Variants in SMARCA5 observed in about 807,000 individuals in gnomAD.
SMARCA5 encodes SNF2 related chromatin remodeling ATPase 5.
Under a neutral mutation model 140.4 loss-of-function variants are expected in SMARCA5, and 18 were observed. That is an observed-to-expected ratio of 0.13 (90% CI 0.09 to 0.19). SMARCA5 has a LOEUF of 0.19. Ranked by LOEUF, SMARCA5 falls within the 10% of genes least tolerant of loss-of-function variation. The pLI is 1.00. For missense variants in SMARCA5, 606 were observed against 1,276.8 expected, an observed-to-expected ratio of 0.47 and a Z score of 8.01; for synonymous variants, 449 against 419.6, an observed-to-expected ratio of 1.07 and a Z score of -0.86.
chr4:143,520,790 C>T (rs967269465), intron 2 of SMARCA5, among the ~76,000 whole-genome samples: 4 of 151,784 alleles, frequency 2.6e-5, no homozygotes, highest in East Asian at 1.9e-4. Flanking sequence ...CTTCGAGGCT[C>T]TTAAGGTTTT....
intron 14 of SMARCA5, among the ~76,000 whole-genome samples, chr4:143,542,807 T>G (rs1737457355): frequency 6.6e-6 from 1 of 152,152 alleles, no homozygotes; most frequent in Non-Finnish European, 1.5e-5. Flanking sequence ...ATGGTGAGTT[T>G]CTTCGATGAT....
chr4:143,549,595 A>G (rs1284643807), intron 22 of SMARCA5, among the ~76,000 whole-genome samples: 1 of 152,160 alleles, frequency 6.6e-6, no homozygotes, highest in African/African-American at 2.4e-5. Context: ...GAAAGATTAT[A>G]CACACCTGTT....
In SMARCA5 at chr4:143,546,741, C is replaced by T. The variant is rs537697546; in HGVS notation, c.2521-35C>T. ...TAGCATGTTTTCCAAGTTTAATGTGCTGTGATTAAATATTTTGTTTCTGTT... is the reference window on the plus strand; with the variant it reads ...TAGCATGTTTTCCAAGTTTAATGTGTTGTGATTAAATATTTTGTTTCTGTT... On this transcript the variant is annotated intron_variant, in intron 19 of 23. Transcript: ENST00000283131. 5.6e-5 allele frequency: 89 copies of T among 1,583,384 alleles called. 2 individuals are homozygous for T. In the South Asian group the frequency reaches 9.6e-4, roughly 17 times the overall value.
In SMARCA5 at chr4:143,555,071, C is replaced by A; in HGVS notation, c.*1887C>A. On this transcript the variant is annotated 3_prime_UTR_variant, in exon 24 of 24. Transcript: ENST00000283131. ...TTCCTCTCCCGCTAAGCTTTTGTTT[C>A]CTGGCAGTAATTAAAATCTTCTGTC... 3.4e-6 allele frequency: 2 copies of A among 594,326 alleles called. No homozygotes were observed. The highest frequency in any genetic ancestry group is 2.2e-5 in the Admixed American group (1 of 46,030). The allele number at this position is 594,326 out of a possible 1,614,324, so 36.8% of individuals were successfully genotyped here.
At chr4:143,533,498 C>CTTTT (rs10580434) in intron 9 of SMARCA5, among the ~76,000 whole-genome samples, 8 of 127,544 alleles carry the variant, frequency 6.3e-5, no homozygotes, top group African/African-American at 1.8e-4. Flanking sequence ...CTTGTCCATT[C>CTTTT]TTTTTTTTTT....
At chr4:143,523,507 A>C (rs1737006703) in intron 3 of SMARCA5, among the ~76,000 whole-genome samples, 2 of 152,324 alleles carry the variant, frequency 1.3e-5, no homozygotes, top group South Asian at 4.1e-4. Context: ...TAGGGGATGG[A>C]AGTAGATCTT....
At chr4:143,518,403 AAATAAC>A (rs1736886714) in intron 2 of SMARCA5, among the ~76,000 whole-genome samples, 1 of 152,196 alleles carries the variant, frequency 6.6e-6, no homozygotes, top group Non-Finnish European at 1.5e-5. Context: ...CAAAAAGTTA[AAATAAC>A]AATGTATTAA....
At chr4:143,531,614 A>G (rs1006019802) in intron 9 of SMARCA5, among the ~76,000 whole-genome samples, 2 of 152,184 alleles carry the variant, frequency 1.3e-5, no homozygotes, top group Admixed American at 1.3e-4. Flanking sequence ...AGTTGTGACA[A>G]CCAAAAATTT....
At position 143,521,476 on chromosome 4, in the gene SMARCA5, A is replaced by G. The variant is rs887762425; in HGVS notation, c.300A>G (p.Glu100=). The change falls in exon 3 of 24, where the codon GAA becomes GAG. Residue 100 remains glutamate (E), a synonymous_variant. Coordinates refer to ENST00000283131, the MANE Select transcript of SMARCA5 (RefSeq NM_003601.4). ...NRFEYLLKQT[E]LFAHFIQPAA... is the part of the protein sequence containing the mutation. ...TCGAGTATTTATTAAAGCAGACAGA[A>G]CTTTTTGCACATTTCATTCAACCTG... is the stretch of plus-strand genomic sequence containing the variant. The G allele has an allele frequency of 6.2e-6, 10 of 1,613,658 alleles. No individual in the cohort carries two copies. The highest frequency in any genetic ancestry group is 2.2e-5 in the East Asian group (1 of 44,868).
chr4:143,521,049 A>G (rs1008039079), intron 2 of SMARCA5, among the ~76,000 whole-genome samples: 3 of 152,208 alleles, frequency 2.0e-5, no homozygotes, highest in Non-Finnish European at 4.4e-5. Context: ...ACATAAAATA[A>G]TTTTAAGTTT....
At position 143,557,271 on chromosome 4, in the gene SMARCA5, T is replaced by A. The variant is rs557627244; in HGVS notation, c.*4087T>A. On this transcript the variant is annotated 3_prime_UTR_variant, in exon 24 of 24. Coordinates refer to ENST00000283131, the MANE Select transcript of SMARCA5 (RefSeq NM_003601.4). ...AAAGTTTATCAGAATTTAGTTAATG[T>A]TGGAAACTTTGTAATATAAACAATG... is the stretch of plus-strand genomic sequence containing the variant. 4.6e-5 allele frequency: 7 copies of A among 152,354 alleles called. No individual in the cohort carries two copies. The South Asian group carries it at 1.2e-3, about 27-fold the overall frequency. 9.4% of individuals were successfully genotyped at this position (152,354 alleles called of 1,614,324 possible). A position where few individuals can be genotyped will look rare whatever the true frequency, so the allele number is the denominator to read the frequency against.
intron 14 of SMARCA5, 60 bp from the exon 15 acceptor site, chr4:143,543,449 C>A: frequency 1.4e-6 from 2 of 1,398,178 alleles, no homozygotes; most frequent in South Asian, 2.6e-5. Context: ...TTTAAAGTTT[C>A]AAGTTTCCAG....
At position 143,513,860 on chromosome 4, in the gene SMARCA5, G is replaced by A. The variant is rs1736756181; in HGVS notation, c.-65G>A. On this transcript the variant is annotated 5_prime_UTR_variant, in exon 1 of 24. Transcript: ENST00000283131. Reference sequence around the variant, plus strand: ...ATTGCGACGTAGCATCCAGGCCTAGGCCTCCCCGTCCATCCCCGCCGGACT... The same window carrying A: ...ATTGCGACGTAGCATCCAGGCCTAGACCTCCCCGTCCATCCCCGCCGGACT... The A allele has an allele frequency of 1.3e-6, 2 of 1,503,476 alleles. No homozygotes were observed. The highest frequency in any genetic ancestry group is 2.0e-5 in the Admixed American group (1 of 50,006). 93.1% of individuals were successfully genotyped at this position (1,503,476 alleles called of 1,614,324 possible). A position where few individuals can be genotyped will look rare whatever the true frequency, so the allele number is the denominator to read the frequency against.
chr4:143,518,954 C>T (rs905232902), intron 2 of SMARCA5, among the ~76,000 whole-genome samples: 1 of 152,020 alleles, frequency 6.6e-6, no homozygotes, highest in Admixed American at 6.6e-5. Context: ...GTTGACCATT[C>T]CTCAAAAATC....
chr4:143,517,323 A>G (rs1263086337), intron 1 of SMARCA5, 32 bp from the exon 2 acceptor site: 3 of 1,526,968 alleles, frequency 2.0e-6, no homozygotes, highest in African/African-American at 1.4e-5. Context: ...ATTTTCGAAG[A>G]CCAATTCTAT....
chr4:143,539,255 C>G (rs563419329), intron 13 of SMARCA5, among the ~76,000 whole-genome samples: 21 of 152,206 alleles, frequency 1.4e-4, no homozygotes, highest in Middle Eastern at 3.4e-3. Context: ...CTCTCCACCC[C>G]CTTGATCAAA....
rs1009359524 is a variant in SMARCA5, at chr4:143,525,446, C to T, written c.521-5C>T. ...ATGCCTATTGTGCTTTTCTTTTGTTCTTAGATGTAAAATGGGGTAAACTGA... is the reference window on the plus strand; with the variant it reads ...ATGCCTATTGTGCTTTTCTTTTGTTTTTAGATGTAAAATGGGGTAAACTGA... On this transcript the variant is annotated splice_polypyrimidine_tract_variant and splice_region_variant and intron_variant, in intron 4 of 23. Coordinates refer to ENST00000283131, the MANE Select transcript of SMARCA5 (RefSeq NM_003601.4). The T allele has an allele frequency of 1.3e-6, 2 of 1,592,408 alleles. No individual in the cohort carries two copies. Among genetic ancestry groups the T allele is most frequent in the East Asian group, 4.5e-5 (2 of 44,706 alleles).
At chr4:143,549,288 T>C (rs539490583) in intron 22 of SMARCA5, among the ~76,000 whole-genome samples, 1 of 152,156 alleles carries the variant, frequency 6.6e-6, no homozygotes, top group South Asian at 2.1e-4. Context: ...TATTTTAAAA[T>C]TATTTTACTG....
chr4:143,536,602 A>C lies in SMARCA5; in HGVS notation c.1419A>C (p.Thr473=), dbSNP rs1737309471. The C allele has an allele frequency of 6.2e-7, 1 of 1,613,900 alleles. No individual in the cohort carries two copies. The highest frequency in any genetic ancestry group is 8.5e-7 in the Non-Finnish European group (1 of 1,179,828). ...FDGAEPGPPY[T]TDMHLVTNSG... ...GAGCAGAACCTGGTCCACCTTATAC[A>C]ACAGATATGCATCTAGTAACCAACA... The change falls in exon 11 of 24, where the codon ACA becomes ACC. Residue 473 remains threonine, a synonymous_variant. Transcript: ENST00000283131.
Sources: gnomAD v4.1 joint callset for allele counts (sites outside exome capture counted in the v4.1 genomes callset) on GRCh38, gnomAD v4.1.1 for gene constraint, MANE v1.5 for transcripts, NCBI Gene and HGNC (gene_info 2026-07-23, HGNC 2026-07-21) for gene names.